The following KDM5A variants were observed in gnomAD, a reference collection of about 807,000 sequenced individuals.
KDM5A encodes the protein lysine demethylase 5A, also known as lysine-specific demethylase 5A.
KDM5A carries 42 observed loss-of-function variants against 193.5 expected under a neutral mutation model. The ratio of observed to expected loss-of-function variants is 0.22; its 90% CI spans 0.17 to 0.28. The LOEUF (loss-of-function observed/expected upper bound fraction) is 0.28. Among genes scored for constraint, KDM5A ranks in the 10% least tolerant of loss-of-function variants. The pLI, the probability that KDM5A is intolerant of heterozygous loss-of-function variation, is 1.00. For synonymous variants in KDM5A, 796 were observed against 718.1 expected (o/e 1.11, Z -1.73); for missense variants, 1,692 against 2,055.1 (o/e 0.82, Z 3.42).
chr12:311,063 C>G lies in KDM5A; in HGVS notation c.3038G>C (p.Ser1013Thr), dbSNP rs1943579158. The change falls in exon 21 of 28, where the codon AGT becomes ACT. Residue 1013 changes from serine to threonine, a missense_variant and splice_region_variant. Physicochemically the swap from Ser to Thr is moderately conservative, Grantham distance 58. This residue lies in a region of KDM5A where 965 missense variants were observed against 1,061.0 expected (regional missense o/e 0.91). Coordinates refer to ENST00000399788, the MANE Select transcript of KDM5A (RefSeq NM_001042603.3). ...CTCCAAATAAGCGTAATTGCTGCCA[C>G]TCTGAAAAACCAAAGTAGATTCTCA... is the stretch of plus-strand genomic sequence containing the variant. The part of the protein sequence containing the change: ...EWTAKVEAIQ[S>T]GSNYAYLEQL... The G allele has an allele frequency of 6.2e-7, 1 of 1,614,132 alleles. No individual in the cohort carries two copies. The highest frequency in any genetic ancestry group is 8.5e-7 in the Non-Finnish European group (1 of 1,180,020).
At chr12:309,353 T>C (rs1943552346) in intron 22 of KDM5A, among the ~76,000 whole-genome samples, 2 of 152,352 alleles carry the variant, frequency 1.3e-5, no homozygotes, top group South Asian at 4.1e-4. Context: ...TCAGAAGTGT[T>C]TGGGGTCTTT....
At chr12:364,252 A>C (rs187788133) in intron 4 of KDM5A, among the ~76,000 whole-genome samples, 1 of 152,230 alleles carries the variant, frequency 6.6e-6, no homozygotes, top group East Asian at 1.9e-4. Flanking sequence ...TGGGTGGACC[A>C]CTTGAAGTCA....
At chr12:330,054 AGTGTGTGTGTGTGT>A (rs148451707) in intron 13 of KDM5A, among the ~76,000 whole-genome samples, 35 of 142,342 alleles carry the variant, frequency 2.5e-4, no homozygotes, top group Middle Eastern at 7.2e-3. Flanking sequence ...CAAAGGAAAA[AGTGTGTGTGTGTGT>A]GTGTGTGTGT....
rs374034022 is a variant in KDM5A, at chr12:293,199, T to G, written c.4456-30A>C. 5.6e-5 allele frequency: 88 copies of G among 1,578,774 alleles called. No individual in the cohort carries two copies. In the African/African-American group the frequency reaches 1.1e-3, roughly 20 times the overall value. Reference sequence around the variant, plus strand: ...AAAAATATAAATTTAGGAACAATTTTAAAGCAAGACAGTTAAAAAACAGTA... The same window carrying G: ...AAAAATATAAATTTAGGAACAATTTGAAAGCAAGACAGTTAAAAAACAGTA... On this transcript the variant is annotated intron_variant, in intron 26 of 27. Coordinates refer to ENST00000399788, the MANE Select transcript of KDM5A (RefSeq NM_001042603.3).
At chr12:326,864 C>CAAAAA (rs61571425) in intron 14 of KDM5A, among the ~76,000 whole-genome samples, 101 of 86,000 alleles carry the variant, frequency 1.2e-3, no homozygotes, top group Non-Finnish European at 1.6e-3. Flanking sequence ...GACTCTGTCT[C>CAAAAA]AAAAAAAAAA....
intron 22 of KDM5A, among the ~76,000 whole-genome samples, chr12:308,320 A>G (rs1943539163): frequency 6.6e-6 from 1 of 152,210 alleles, no homozygotes; most frequent in African/African-American, 2.4e-5. Flanking sequence ...AATATGGGGT[A>G]CAAGTTTCAG....
intron 14 of KDM5A, among the ~76,000 whole-genome samples, chr12:327,127 G>A (rs76971761): frequency 0.02 from 3,047 of 152,268 alleles, 49 homozygotes; most frequent in Middle Eastern, 0.044. Flanking sequence ...CTGGAACAAG[G>A]GCATAGGTGG....
intron 26 of KDM5A, among the ~76,000 whole-genome samples, chr12:294,648 T>A (rs1161308597): frequency 6.6e-6 from 1 of 152,200 alleles, no homozygotes; most frequent in African/African-American, 2.4e-5. Context: ...AATATATCTG[T>A]ATCAACTGTT....
At chr12:295,074 A>G (rs545004181) in intron 26 of KDM5A, among the ~76,000 whole-genome samples, 2 of 152,174 alleles carry the variant, frequency 1.3e-5, no homozygotes, top group East Asian at 1.9e-4. Flanking sequence ...GCCCTCCAAT[A>G]ATGGGAGTCT....
Position 322,318 on chromosome 12 carries a change from T to A in KDM5A, c.2426+99A>T, listed in dbSNP as rs1463098920. 6 of 1,068,126 alleles carry A rather than the reference T, an allele frequency of 5.6e-6. No individual in the cohort carries two copies. In the African/African-American group the frequency reaches 9.4e-5, roughly 17 times the overall value. 66.2% of individuals were successfully genotyped at this position (1,068,126 alleles called of 1,614,324 possible). On this transcript the variant is annotated intron_variant, in intron 17 of 27. Transcript: ENST00000399788. Reference sequence around the variant, plus strand: ...AAGCAAGAGACATGGCAACAAGAGGTCAAAGATAATGTACGGCTTCACAGG... The same window carrying A: ...AAGCAAGAGACATGGCAACAAGAGGACAAAGATAATGTACGGCTTCACAGG...
At chr12:327,981 T>C (rs1379524851) in intron 14 of KDM5A, among the ~76,000 whole-genome samples, 1 of 152,146 alleles carries the variant, frequency 6.6e-6, no homozygotes, top group Non-Finnish European at 1.5e-5. Flanking sequence ...GCCACTGCAC[T>C]CCAGCCTGGG....
At chr12:331,030 A>G (rs1943859220) in intron 13 of KDM5A, among the ~76,000 whole-genome samples, 1 of 152,202 alleles carries the variant, frequency 6.6e-6, no homozygotes, top group Non-Finnish European at 1.5e-5. Flanking sequence ...ATTATCATTT[A>G]CATAAAAGTA....
chr12:347,666 G>T (rs992718168), intron 10 of KDM5A, among the ~76,000 whole-genome samples: 1 of 152,142 alleles, frequency 6.6e-6, no homozygotes, highest in East Asian at 1.9e-4. Context: ...ATGGGGAAAG[G>T]ATTCCCTATT....
chr12:351,915 C>A (rs1191473937), intron 9 of KDM5A, among the ~76,000 whole-genome samples: 6 of 151,938 alleles, frequency 3.9e-5, no homozygotes, highest in African/African-American at 7.3e-5. Flanking sequence ...ACCAGCCTGA[C>A]CAATATGGTG....
In KDM5A at chr12:318,167, G is replaced by T; in HGVS notation, c.2836C>A (p.Gln946Lys). 6.2e-7 allele frequency: 1 copy of T among 1,614,224 alleles called. No individual in the cohort carries two copies. The highest frequency in any genetic ancestry group is 8.5e-7 in the Non-Finnish European group (1 of 1,180,042). Reference protein sequence around the residue: ...HAVEKAMAELQELLTVSERWE... With the variant: ...HAVEKAMAELKELLTVSERWE... The stretch of plus-strand genomic sequence containing the variant: ...CGTTCAGAGACTGTAAGGAGCTCCT[G>T]TAGTTCAGCCATTGCTTTCTCCACA... The change falls in exon 19 of 28, where the codon CAG (glutamine) becomes AAG (lysine). Residue 946 changes from glutamine (Q) to lysine (K), a missense_variant. By Grantham distance (53) the Gln-to-Lys change is moderately conservative. Transcript: ENST00000399788.
intron 10 of KDM5A, among the ~76,000 whole-genome samples, chr12:342,793 A>C (rs1030534960): frequency 4.6e-5 from 7 of 150,666 alleles, no homozygotes; most frequent in African/African-American, 1.7e-4. Context: ...AAAAAAAAAA[A>C]CCTGGGGAGG....
intron 3 of KDM5A, among the ~76,000 whole-genome samples, chr12:376,621 A>C (rs1478841449): frequency 6.6e-6 from 1 of 152,194 alleles, no homozygotes; most frequent in Non-Finnish European, 1.5e-5. Context: ...CAGTGAGATG[A>C]ACCTGGTACC....
intron 10 of KDM5A, among the ~76,000 whole-genome samples, chr12:344,187 G>T (rs1458276190): frequency 6.6e-6 from 1 of 152,170 alleles, no homozygotes; most frequent in South Asian, 2.1e-4. Flanking sequence ...TCAAATTAAT[G>T]AAATAAAGTG....
At position 307,523 on chromosome 12, in the gene KDM5A, C is replaced by T. The variant is rs948946959; in HGVS notation, c.3861G>A (p.Ala1287=). ...TGATCTTTTCAGTTTTTTCTCGAGCCGCCTGTTCCACCATACGCTGGCTCA... is the reference window on the plus strand; with the variant it reads ...TGATCTTTTCAGTTTTTTCTCGAGCTGCCTGTTCCACCATACGCTGGCTCA... ...SVLSQRMVEQ[A]AREKTEKIIS... Residue 1287 remains alanine, a synonymous_variant, in exon 23 of 28, where the codon GCG becomes GCA. Coordinates refer to ENST00000399788, the MANE Select transcript of KDM5A (RefSeq NM_001042603.3). The surrounding 1 kb of genome is among the most constrained non-coding windows in gnomAD (Gnocchi z 4.3). The T allele has an allele frequency of 1.3e-5, 21 of 1,613,886 alleles. No individual in the cohort carries two copies. The highest frequency in any genetic ancestry group is 1.8e-5 in the Non-Finnish European group (21 of 1,180,008).
Sources: gnomAD v4.1 joint callset for allele counts (sites outside exome capture counted in the v4.1 genomes callset) on GRCh38, gnomAD v4.1.1 for gene constraint, gnomAD v4.1.1 regional missense constraint, Gnocchi (gnomAD v3.1) non-coding constraint, MANE v1.5 for transcripts, NCBI Gene and HGNC (gene_info 2026-07-23, HGNC 2026-07-21) for gene names.